LDB2: variants seen among roughly 807,000 people sequenced by gnomAD.
LDB2 encodes LIM domain binding 2.
Under a neutral mutation model 44.3 loss-of-function variants are expected in LDB2, and 12 were observed. The observed-to-expected ratio is 0.27, with a 90% CI of 0.17 to 0.44. The LOEUF is 0.44. Ranked by LOEUF, LDB2 falls within the 20% of genes least tolerant of loss-of-function variation. LDB2 has a pLI of 1.00. For missense variants in LDB2, 344 were observed against 473.5 expected (o/e 0.73, Z 2.54); for synonymous variants, 164 against 174.8 (o/e 0.94, Z 0.49).
rs192691396 is a variant in LDB2, at chr4:16,740,362, G to A, written c.235+18796C>T. On this transcript the variant is annotated intron_variant, in intron 2 of 7. Coordinates refer to ENST00000304523, the MANE Select transcript of LDB2 (RefSeq NM_001290.5). The stretch of plus-strand genomic sequence containing the variant: ...ATACTGCCCTAAACAGGCCACATGC[G>A]AGCCTTGGAGGTTTATAGGTGTCTA... Among the ~76,000 whole-genome samples the A allele has an allele frequency of 3.2e-3, 481 of 152,284 alleles. 1 individual carries two copies. The highest frequency in any genetic ancestry group is 0.011 in the African/African-American group (459 of 41,548).
intron 5 of LDB2, among the ~76,000 whole-genome samples, chr4:16,572,911 G>GA (rs1747075040): frequency 6.6e-6 from 1 of 152,154 alleles, no homozygotes; most frequent in African/African-American, 2.4e-5. Context: ...GAAGGAGGAG[G>GA]AGGAGAAGGT....
chr4:16,851,618 A>T (rs1214885080), intron 1 of LDB2, among the ~76,000 whole-genome samples: 3 of 152,080 alleles, frequency 2.0e-5, no homozygotes, highest in African/African-American at 7.2e-5. Context: ...TAATAAGAAA[A>T]AAAAGAAAAT....
intron 1 of LDB2, among the ~76,000 whole-genome samples, chr4:16,836,165 C>A (rs1256589012): frequency 6.6e-6 from 1 of 152,124 alleles, no homozygotes; most frequent in Non-Finnish European, 1.5e-5. Flanking sequence ...ATAAGTGTAT[C>A]CATGGTGTGA....
At chr4:16,520,532 A>G (rs2152272672) in intron 5 of LDB2, among the ~76,000 whole-genome samples, 1 of 152,328 alleles carries the variant, frequency 6.6e-6, no homozygotes, top group East Asian at 1.9e-4. Flanking sequence ...TTTTTATCTG[A>G]AGATGCAACC....
chr4:16,713,876 G>A (rs757211989), intron 2 of LDB2, among the ~76,000 whole-genome samples: 7 of 152,174 alleles, frequency 4.6e-5, no homozygotes, highest in Non-Finnish European at 7.3e-5. Flanking sequence ...TGGCTAGGGC[G>A]AGTTGATTCC....
chr4:16,611,202 G>T (rs957958985), intron 2 of LDB2, among the ~76,000 whole-genome samples: 1 of 152,130 alleles, frequency 6.6e-6, no homozygotes, highest in South Asian at 2.1e-4. Context: ...CCCTGCAAGA[G>T]CTCCTGAAAG....
intron 5 of LDB2, among the ~76,000 whole-genome samples, chr4:16,559,503 CAAG>C (rs1741189009): frequency 6.6e-6 from 1 of 152,154 alleles, no homozygotes; most frequent in African/African-American, 2.4e-5. Context: ...ATCAATTCAA[CAAG>C]AAGAGCTAAC....
chr4:16,885,907 C>T (rs1255425300), intron 1 of LDB2, among the ~76,000 whole-genome samples: 2 of 152,124 alleles, frequency 1.3e-5, no homozygotes, highest in African/African-American at 4.8e-5. Flanking sequence ...TCTTCTACCG[C>T]AATGGGAGAT....
chr4:16,889,597 C>G (rs924403619), intron 1 of LDB2, among the ~76,000 whole-genome samples: 1 of 152,120 alleles, frequency 6.6e-6, no homozygotes, highest in Non-Finnish European at 1.5e-5. Context: ...GTTGGTAAGA[C>G]TTGGGGAAAA....
At chr4:16,513,942 A>G (rs1331686944) in intron 5 of LDB2, among the ~76,000 whole-genome samples, 1 of 152,234 alleles carries the variant, frequency 6.6e-6, no homozygotes, top group Non-Finnish European at 1.5e-5. Flanking sequence ...AGAGCTGACC[A>G]TAAAGAAATT....
chr4:16,548,136 G>T (rs111457772), intron 5 of LDB2, among the ~76,000 whole-genome samples: 1 of 151,732 alleles, frequency 6.6e-6, no homozygotes, highest in African/African-American at 2.4e-5. Flanking sequence ...AACTTTCCTG[G>T]TTCTTGACCC....
intron 1 of LDB2, among the ~76,000 whole-genome samples, chr4:16,841,007 C>T (rs993442233): frequency 1.3e-5 from 2 of 151,882 alleles, no homozygotes; most frequent in Non-Finnish European, 1.5e-5. Flanking sequence ...GTGTTTCCCC[C>T]GTCTCTGCAT....
At chr4:16,575,363 A>C (rs1047373720) in intron 5 of LDB2, among the ~76,000 whole-genome samples, 1 of 152,218 alleles carries the variant, frequency 6.6e-6, no homozygotes, top group Non-Finnish European at 1.5e-5. Context: ...GCTTAAAAAA[A>C]ATAACACCCC....
intron 1 of LDB2, among the ~76,000 whole-genome samples, chr4:16,793,062 G>C (rs1776085162): frequency 6.6e-6 from 1 of 152,128 alleles, no homozygotes; most frequent in African/African-American, 2.4e-5. Context: ...TATAAGTAGA[G>C]GTTGAAGGTG....
intron 2 of LDB2, among the ~76,000 whole-genome samples, chr4:16,748,421 C>T (rs1764797025): frequency 6.6e-6 from 1 of 152,106 alleles, no homozygotes; most frequent in Non-Finnish European, 1.5e-5. Flanking sequence ...TCAAATACTC[C>T]AATATGATTA....
intron 1 of LDB2, among the ~76,000 whole-genome samples, chr4:16,765,494 T>C (rs147700835): frequency 1.2e-3 from 184 of 152,362 alleles, no homozygotes; most frequent in Non-Finnish European, 2.1e-3. Context: ...GAAATTATCA[T>C]GGAATCATCA....
chr4:16,797,022 T>C (rs1776867343), intron 1 of LDB2, among the ~76,000 whole-genome samples: 1 of 152,102 alleles, frequency 6.6e-6, no homozygotes. Flanking sequence ...CCTGAAAATA[T>C]TATGAAAAAA....
chr4:16,586,523 CACAAA>C (rs1460871525), intron 4 of LDB2, among the ~76,000 whole-genome samples: 17 of 82,184 alleles, frequency 2.1e-4, no homozygotes, highest in African/African-American at 3.8e-4. Context: ...CACACACACA[CACAAA>C]ACACACACAC....
intron 5 of LDB2, among the ~76,000 whole-genome samples, chr4:16,560,395 A>G (rs1364538279): frequency 6.6e-6 from 1 of 152,220 alleles, no homozygotes. Context: ...ATCACCACCA[A>G]TCCCACAGAA....
Sources: allele counts gnomAD v4.1 joint callset (sites outside exome capture counted in the v4.1 genomes callset), GRCh38; gene constraint gnomAD v4.1.1; transcripts MANE v1.5; gene names NCBI Gene and HGNC (gene_info 2026-07-23, HGNC 2026-07-21).